ARTN: variants seen among roughly 807,000 people sequenced by gnomAD.
The protein encoded by ARTN is neublastin.
Under a neutral mutation model 15.4 loss-of-function variants are expected in ARTN, and 9 were observed. The ratio of observed to expected loss-of-function variants is 0.58; its 90% CI spans 0.35 to 1.02. ARTN has a LOEUF of 1.02. Ranked by LOEUF, ARTN falls within the 50% of genes least tolerant of loss-of-function variation. ARTN has a pLI of 0.02. For synonymous variants in ARTN, 163 were observed against 155.8 expected, an observed-to-expected ratio of 1.05 and a Z score of -0.35; for missense variants, 284 against 327.9, an observed-to-expected ratio of 0.87 and a Z score of 1.03.
chr1:43,936,476 T>TGC lies in ARTN; in HGVS notation c.377_378dup (p.Ser127AlafsTer135). On this transcript the variant is annotated frameshift_variant, in exon 5 of 5. Coordinates refer to ENST00000372359, the MANE Select transcript of ARTN (RefSeq NM_057091.3). LOFTEE classifies it high-confidence loss of function. This position sits in a 1 kb window ranked among gnomAD's most constrained non-coding sequence, Gnocchi z 6.6. ...GCAGCGGGGGCGCGGGGCTGCCGCC[T>TGC]GCGCTCGCAGCTGGTGCCGGTGCGC... The TGC allele has an allele frequency of 8.0e-7, 1 of 1,252,888 alleles. No individual in the cohort carries two copies. The highest frequency in any genetic ancestry group is 1.0e-6 in the Non-Finnish European group (1 of 998,558). The allele number at this position is 1,252,888 out of a possible 1,614,324, so 77.6% of individuals were successfully genotyped here. A position where few individuals can be genotyped will look rare whatever the true frequency, so the allele number is the denominator to read the frequency against.
Position 43,936,113 on chromosome 1 carries a change from G to C in ARTN, c.81G>C (p.Leu27=). 1 of 1,608,988 alleles carries C rather than the reference G, an allele frequency of 6.2e-7. No homozygotes were observed. The highest frequency in any genetic ancestry group is 8.5e-7 in the Non-Finnish European group (1 of 1,179,762). ...CGCAGCCTGCCCTGTGGCCCACCCT[G>C]GCCGCTCTGGCTCTGCTGAGCAGCG... The part of the protein sequence containing the change: ...PRQQPALWPT[L]AALALLSSVA... The change falls in exon 4 of 5, where the codon CTG becomes CTC. Residue 27 remains leucine, a synonymous_variant. Transcript: ENST00000372359. The surrounding 1 kb of genome is among the most constrained non-coding windows in gnomAD (Gnocchi z 6.6).
chr1:43,936,542 TC>T lies in ARTN; in HGVS notation c.442del (p.Arg148AlafsTer113). The T allele has an allele frequency of 6.6e-7, 1 of 1,520,068 alleles. No individual in the cohort carries two copies. The allele number at this position is 1,520,068 out of a possible 1,614,324, so 94.2% of individuals were successfully genotyped here. On this transcript the variant is annotated frameshift_variant, in exon 5 of 5. Transcript: ENST00000372359. LOFTEE classifies it high-confidence loss of function. This position sits in a 1 kb window ranked among gnomAD's most constrained non-coding sequence, Gnocchi z 6.6. The stretch of plus-strand genomic sequence containing the variant: ...CACCGCTCCGACGAGCTGGTGCGTT[TC>T]CGCTTCTGCAGCGGCTCCTGCCGCC... ...LGHRSDELVRFRFCSGSCRRA... is the reference protein window; with the variant it reads ...LGHRSDELVRXRFCSGSCRRA...
At position 43,936,467 on chromosome 1, in the gene ARTN, G is replaced by C; in HGVS notation, c.365G>C (p.Gly122Ala). Residue 122 changes from glycine to alanine, a missense_variant, in exon 5 of 5, where the codon GGC becomes GCC. Physicochemically the swap from Gly to Ala is moderately conservative, Grantham distance 60. Coordinates refer to ENST00000372359, the MANE Select transcript of ARTN (RefSeq NM_057091.3). This position sits in a 1 kb window ranked among gnomAD's most constrained non-coding sequence, Gnocchi z 6.6. ...GSRARAAGAR[G>A]CRLRSQLVPV... ...CGCGCTCGGGCAGCGGGGGCGCGGGGCTGCCGCCTGCGCTCGCAGCTGGTG... is the reference window on the plus strand; with the variant it reads ...CGCGCTCGGGCAGCGGGGGCGCGGGCCTGCCGCCTGCGCTCGCAGCTGGTG... 2 of 1,228,850 alleles carry C rather than the reference G, an allele frequency of 1.6e-6. No individual in the cohort carries two copies. The highest frequency in any genetic ancestry group is 1.0e-6 in the Non-Finnish European group (1 of 983,864). The allele number at this position is 1,228,850 out of a possible 1,614,324, so 76.1% of individuals were successfully genotyped here. A position where few individuals can be genotyped will look rare whatever the true frequency, so the allele number is the denominator to read the frequency against.
chr1:43,935,337 T>C (rs2085079101), intron 2 of ARTN: 1 of 351,388 alleles, frequency 2.8e-6, no homozygotes, highest in Non-Finnish European at 5.2e-6. Flanking sequence ...TCCAGCTGTG[T>C]GACCTTGTAA....
chr1:43,935,375 G>A, intron 2 of ARTN: 1 of 449,882 alleles, frequency 2.2e-6, no homozygotes, highest in South Asian at 2.7e-5. Context: ...GCTTCTCTGA[G>A]CCTTGTTTGC....
In ARTN at chr1:43,936,191, C is replaced by CCCCCCGCCTGTCCTGGCGT; in HGVS notation, c.168_186dup (p.Gly63CysfsTer192). 6.6e-7 allele frequency: 1 copy of CCCCCCGCCTGTCCTGGCGT among 1,524,558 alleles called. No individual in the cohort carries two copies. Among genetic ancestry groups the CCCCCCGCCTGTCCTGGCGT allele is most frequent in the Non-Finnish European group, 8.8e-7 (1 of 1,141,396 alleles). The allele number at this position is 1,524,558 out of a possible 1,614,324, so 94.4% of individuals were successfully genotyped here. A position where few individuals can be genotyped will look rare whatever the true frequency, so the allele number is the denominator to read the frequency against. The stretch of plus-strand genomic sequence containing the variant: ...CCCGCAGCCCTGCCCCCCGCGAAGG[C>CCCCCCGCCTGTCCTGGCGT]CCCCCGCCTGTCCTGGCGTCCCCCG... On this transcript the variant is annotated frameshift_variant, in exon 4 of 5. Coordinates refer to ENST00000372359, the MANE Select transcript of ARTN (RefSeq NM_057091.3). LOFTEE classifies it high-confidence loss of function. The surrounding 1 kb of genome is among the most constrained non-coding windows in gnomAD (Gnocchi z 6.6).
chr1:43,934,871 G>A (rs1039118679), intron 2 of ARTN, among the ~76,000 whole-genome samples: 2 of 152,196 alleles, frequency 1.3e-5, no homozygotes, highest in African/African-American at 4.8e-5. Context: ...GTAGCTGAGG[G>A]GATGGAAAAG....
rs757604967 is a variant in ARTN at position 43,936,181 on chromosome 1, C to G, written c.149C>G (p.Pro50Arg). ...GGCTCCGCGCCCCGCAGCCCTGCCCCCCGCGAAGGCCCCCCGCCTGTCCTG... is the reference window on the plus strand; with the variant it reads ...GGCTCCGCGCCCCGCAGCCCTGCCCGCCGCGAAGGCCCCCCGCCTGTCCTG... ...SLGSAPRSPA[P>R]REGPPPVLAS... Residue 50 changes from proline to arginine, a missense_variant, in exon 4 of 5, where the codon CCC becomes CGC. Coordinates refer to ENST00000372359, the MANE Select transcript of ARTN (RefSeq NM_057091.3). The surrounding 1 kb of genome is among the most constrained non-coding windows in gnomAD (Gnocchi z 6.6). 4 of 1,537,742 alleles carry G rather than the reference C, an allele frequency of 2.6e-6. No individual in the cohort carries two copies. The South Asian group carries it at 4.7e-5, about 18-fold the overall frequency.
At position 43,936,012 on chromosome 1, in the gene ARTN, C is replaced by G; in HGVS notation, c.61-81C>G. On this transcript the variant is annotated intron_variant, in intron 3 of 4. Coordinates refer to ENST00000372359, the MANE Select transcript of ARTN (RefSeq NM_057091.3). The surrounding 1 kb of genome is among the most constrained non-coding windows in gnomAD (Gnocchi z 6.6). The stretch of plus-strand genomic sequence containing the variant: ...CGGCCTGATCTCAGCCCGAGGACAG[C>G]CCCTCCTTGAGGTCCTTCCTCCCCA... 6.3e-7 allele frequency: 1 copy of G among 1,584,522 alleles called. No homozygotes were observed. The highest frequency in any genetic ancestry group is 8.7e-7 in the Non-Finnish European group (1 of 1,154,562).
chr1:43,935,809 G>T, intron 3 of ARTN, 93 bp downstream of exon 3: 1 of 1,279,634 alleles, frequency 7.8e-7, no homozygotes, highest in Non-Finnish European at 1.1e-6. Context: ...CAGCGGTTAG[G>T]TGTGGGAGGG....
Position 43,936,097 on chromosome 1 carries a change from C to A in ARTN, c.65C>A (p.Ala22Asp). ...CCACTTGGTCTCTCCGCGCAGCCTG[C>A]CCTGTGGCCCACCCTGGCCGCTCTG... ...SHCPWPRQQP[A>D]LWPTLAALAL... The change falls in exon 4 of 5, where the codon GCC (alanine) becomes GAC (aspartate). Residue 22 changes from alanine (A) to aspartate (D), a missense_variant. Physicochemically the swap from Ala to Asp is moderately radical, Grantham distance 126. Transcript: ENST00000372359. This position sits in a 1 kb window ranked among gnomAD's most constrained non-coding sequence, Gnocchi z 6.6. 6.2e-7 allele frequency: 1 copy of A among 1,611,632 alleles called. No homozygotes were observed. The highest frequency in any genetic ancestry group is 8.5e-7 in the Non-Finnish European group (1 of 1,179,936).
rs1252251068 is a variant in ARTN, at chr1:43,936,007, G to A, written c.61-86G>A. 4 of 1,578,704 alleles carry A rather than the reference G, an allele frequency of 2.5e-6. No individual in the cohort carries two copies. Among genetic ancestry groups the A allele is most frequent in the Non-Finnish European group, 3.5e-6 (4 of 1,149,812 alleles). On this transcript the variant is annotated intron_variant, in intron 3 of 4. Transcript: ENST00000372359. The surrounding 1 kb of genome is among the most constrained non-coding windows in gnomAD (Gnocchi z 6.6). ...ATGCCCGGCCTGATCTCAGCCCGAG[G>A]ACAGCCCCTCCTTGAGGTCCTTCCT...
At chr1:43,935,860 G>A in intron 3 of ARTN, 144 bp downstream of exon 3, 2 of 929,674 alleles carry the variant, frequency 2.2e-6, no homozygotes, top group Admixed American at 2.5e-5. Flanking sequence ...GAGGAGGAGC[G>A]GGACTTCTCT....
At chr1:43,935,282 A>G in intron 2 of ARTN, 1 of 257,570 alleles carries the variant, frequency 3.9e-6, no homozygotes, top group Non-Finnish European at 7.4e-6. Context: ...CAGACCTACA[A>G]CGCAGAGCAG....
chr1:43,935,803 G>C, intron 3 of ARTN, 87 bp downstream of exon 3: 1 of 1,332,902 alleles, frequency 7.5e-7, no homozygotes, highest in Non-Finnish European at 1.0e-6. Context: ...CTTGGGCAGC[G>C]GTTAGGTGTG....
At chr1:43,935,522 C>T (rs2085080534) in intron 2 of ARTN, 68 bp from the exon 3 acceptor site, 2 of 879,928 alleles carry the variant, frequency 2.3e-6, no homozygotes, top group Admixed American at 2.5e-5. Context: ...CCCCTTGTTC[C>T]TCACCTGGAG....
chr1:43,936,128 G>T lies in ARTN; in HGVS notation c.96G>T (p.Leu32=). The T allele has an allele frequency of 2.5e-6, 4 of 1,605,214 alleles. No individual in the cohort carries two copies. Among genetic ancestry groups the T allele is most frequent in the Non-Finnish European group, 3.4e-6 (4 of 1,179,350 alleles). The stretch of plus-strand genomic sequence containing the variant: ...GGCCCACCCTGGCCGCTCTGGCTCT[G>T]CTGAGCAGCGTCGCAGAGGCCTCCC... The part of the protein sequence containing the change: ...ALWPTLAALA[L]LSSVAEASLG... The change falls in exon 4 of 5, where the codon CTG becomes CTT. Residue 32 remains leucine, a synonymous_variant. Transcript: ENST00000372359. The surrounding 1 kb of genome is among the most constrained non-coding windows in gnomAD (Gnocchi z 6.6).
Position 43,936,630 on chromosome 1 carries a change from GC to G in ARTN, c.533del (p.Pro178ArgfsTer83). The G allele has an allele frequency of 1.3e-6, 2 of 1,593,382 alleles. No homozygotes were observed. The highest frequency in any genetic ancestry group is 1.7e-6 in the Non-Finnish European group (2 of 1,170,590). ...TACTGGGCGCCGGGGCCCTGCGACC[GC>G]CCCCGGGCTCCCGGCCCGTCAGCCA... ...SLLGAGALRP[P>X]PGSRPVSQPC... On this transcript the variant is annotated frameshift_variant, in exon 5 of 5. Coordinates refer to ENST00000372359, the MANE Select transcript of ARTN (RefSeq NM_057091.3). LOFTEE classifies it high-confidence loss of function. This position sits in a 1 kb window ranked among gnomAD's most constrained non-coding sequence, Gnocchi z 6.6.
At position 43,937,054 on chromosome 1, in the gene ARTN, G is replaced by C. The variant is rs1033161886; in HGVS notation, c.*289G>C. On this transcript the variant is annotated 3_prime_UTR_variant, in exon 5 of 5. Transcript: ENST00000372359. ...CAGACTCTGGCACTGGCCAGGCCTCGAACCTGGGACCCCTCCTCTGATGAA... is the reference window on the plus strand; with the variant it reads ...CAGACTCTGGCACTGGCCAGGCCTCCAACCTGGGACCCCTCCTCTGATGAA... The C allele has an allele frequency of 3.2e-6, 1 of 310,044 alleles. No homozygotes were observed. The highest frequency in any genetic ancestry group is 2.1e-5 in the African/African-American group (1 of 46,550). The allele number at this position is 310,044 out of a possible 1,614,324, so 19.2% of individuals were successfully genotyped here. A position where few individuals can be genotyped will look rare whatever the true frequency, so the allele number is the denominator to read the frequency against.
Sources: gnomAD v4.1 joint callset for allele counts (sites outside exome capture counted in the v4.1 genomes callset) on GRCh38, gnomAD v4.1.1 for gene constraint, Gnocchi (gnomAD v3.1) non-coding constraint, MANE v1.5 for transcripts, NCBI Gene and HGNC (gene_info 2026-07-23, HGNC 2026-07-21) for gene names.